NFASC: variants seen among roughly 807,000 people sequenced by gnomAD.
NFASC encodes neurofascin, also known as neurofascin homolog.
In NFASC, 43 loss-of-function variants were observed where a neutral mutation model predicts 147.5. The ratio of observed to expected loss-of-function variants is 0.29; its 90% CI spans 0.23 to 0.38. The LOEUF is 0.38. Ranked by LOEUF, NFASC falls within the 10% of genes least tolerant of loss-of-function variation. NFASC has a pLI of 1.00. For missense variants in NFASC, 1,320 were observed against 1,689.0 expected (o/e 0.78, Z 3.83); for synonymous variants, 622 against 665.5 (o/e 0.93, Z 1.01).
chr1:204,956,808 A>G (rs1280479560), intron 7 of NFASC, among the ~76,000 whole-genome samples: 2 of 152,206 alleles, frequency 1.3e-5, no homozygotes, highest in Non-Finnish European at 2.9e-5. Context: ...TTGTGGGGAT[A>G]GGAAGGAGAC....
intron 1 of NFASC, among the ~76,000 whole-genome samples, chr1:204,890,863 C>T (rs886711875): frequency 1.8e-4 from 28 of 151,666 alleles, no homozygotes; most frequent in African/African-American, 6.8e-4. Context: ...AGCCACCGCA[C>T]CTGGCCAGGG....
intron 26 of NFASC, 29 bp downstream of exon 26, chr1:205,001,315 GCGGCAGCGGCGT>G (rs980670364): frequency 2.8e-6 from 4 of 1,452,086 alleles, no homozygotes; most frequent in African/African-American, 2.8e-5. Context: ...GGTGGTGGTG[GCGGCAGCGGCGT>G]CGGCAGCAGC....
chr1:204,913,192 G>T (rs1186203823), intron 1 of NFASC, among the ~76,000 whole-genome samples: 5 of 152,056 alleles, frequency 3.3e-5, no homozygotes, highest in Admixed American at 3.3e-4. Context: ...AAATGAAATT[G>T]AAGAATTCCA....
chr1:204,921,676 T>C (rs2090516674), intron 2 of NFASC, among the ~76,000 whole-genome samples: 1 of 152,196 alleles, frequency 6.6e-6, no homozygotes, highest in Non-Finnish European at 1.5e-5. Flanking sequence ...TGAACCCCTC[T>C]AGGCCTCAGT....
chr1:204,971,444 A>G (rs1417005089), intron 11 of NFASC, among the ~76,000 whole-genome samples: 1 of 152,218 alleles, frequency 6.6e-6, no homozygotes, highest in Non-Finnish European at 1.5e-5. Flanking sequence ...GTCAGAGGAA[A>G]TGTAAACAAT....
chr1:205,001,720 C>T (rs1026751656), intron 26 of NFASC, among the ~76,000 whole-genome samples: 1 of 152,172 alleles, frequency 6.6e-6, no homozygotes, highest in Non-Finnish European at 1.5e-5. Flanking sequence ...CAGCGGCCCC[C>T]AGTCAGAGCC....
intron 1 of NFASC, among the ~76,000 whole-genome samples, chr1:204,855,959 T>G (rs894940907): frequency 6.6e-6 from 1 of 152,162 alleles, no homozygotes; most frequent in African/African-American, 2.4e-5. Flanking sequence ...TATGTTTCAT[T>G]AACTCTTACA....
chr1:204,993,017 G>A (rs1003292165), intron 24 of NFASC, among the ~76,000 whole-genome samples: 1 of 152,214 alleles, frequency 6.6e-6, no homozygotes, highest in African/African-American at 2.4e-5. Context: ...GAAATGAGAT[G>A]TGCTGATAAC....
chr1:204,950,721 G>A (rs1278434367), intron 4 of NFASC, 147 bp downstream of exon 4: 17 of 758,016 alleles, frequency 2.2e-5, no homozygotes, highest in South Asian at 3.1e-5. Context: ...CTTACTGCGG[G>A]GGAAGGAAGG....
intron 1 of NFASC, among the ~76,000 whole-genome samples, chr1:204,876,643 C>T (rs984988376): frequency 3.3e-5 from 5 of 152,148 alleles, no homozygotes; most frequent in South Asian, 2.1e-4. Flanking sequence ...CGCCATTCTA[C>T]TTTCTCTCTC....
chr1:204,834,461 C>T (rs1414073411), intron 1 of NFASC, among the ~76,000 whole-genome samples: 15 of 152,174 alleles, frequency 9.9e-5, no homozygotes, highest in Non-Finnish European at 1.3e-4. Flanking sequence ...CATCCCCTCC[C>T]GGCTCCTGCT....
At chr1:204,894,082 A>T (rs577451753) in intron 1 of NFASC, among the ~76,000 whole-genome samples, 1 of 152,178 alleles carries the variant, frequency 6.6e-6, no homozygotes, top group Non-Finnish European at 1.5e-5. Flanking sequence ...TTGTACCTGG[A>T]TGTATCACCT....
At chr1:204,925,728 A>G (rs1227413291) in intron 2 of NFASC, among the ~76,000 whole-genome samples, 1 of 152,144 alleles carries the variant, frequency 6.6e-6, no homozygotes, top group Non-Finnish European at 1.5e-5. Flanking sequence ...TGGCTTTAGG[A>G]CTATGGTCTG....
intron 1 of NFASC, among the ~76,000 whole-genome samples, chr1:204,861,614 C>T (rs532347426): frequency 3.3e-5 from 5 of 152,232 alleles, no homozygotes; most frequent in Admixed American, 6.5e-5. Flanking sequence ...CTCAGCCTCC[C>T]GAGTAGCTGG....
chr1:204,901,915 G>A (rs2084699584), intron 1 of NFASC, among the ~76,000 whole-genome samples: 1 of 152,148 alleles, frequency 6.6e-6, no homozygotes, highest in Non-Finnish European at 1.5e-5. Flanking sequence ...GATGCGTGAG[G>A]GGGCGGCACC....
intron 1 of NFASC, among the ~76,000 whole-genome samples, chr1:204,858,873 C>A (rs2076405037): frequency 6.6e-6 from 1 of 152,216 alleles, no homozygotes; most frequent in East Asian, 1.9e-4. Flanking sequence ...TGATTCCCCA[C>A]CGCCAGGCAT....
At chr1:204,856,775 G>A (rs2076195665) in intron 1 of NFASC, among the ~76,000 whole-genome samples, 1 of 152,138 alleles carries the variant, frequency 6.6e-6, no homozygotes, top group African/African-American at 2.4e-5. Context: ...ACAATATGTA[G>A]CCTTTTATAG....
rs543138110 is a variant in NFASC at position 204,946,345 on chromosome 1, C to T, written c.91+1939C>T. The T allele has an allele frequency of 3.7e-5, 19 of 511,986 alleles. No individual in the cohort carries two copies. The East Asian group carries it at 3.9e-4, about 10-fold the overall frequency. The allele number at this position is 511,986 out of a possible 1,614,324, so 31.7% of individuals were successfully genotyped here. A position where few individuals can be genotyped will look rare whatever the true frequency, so the allele number is the denominator to read the frequency against. ...CAACATAGGTGTTATCCTTAGCCTG[C>T]GGGTTAGAGACAAGGAAGCGACAGA... On this transcript the variant is annotated intron_variant, in intron 3 of 29. Transcript: ENST00000339876.
intron 23 of NFASC, chr1:204,989,070 C>A (rs2095668625): frequency 1.9e-6 from 1 of 523,040 alleles, no homozygotes; most frequent in African/African-American, 1.9e-5. Flanking sequence ...CATCTATCAT[C>A]TTTCCTTCTT....
Sources: allele counts gnomAD v4.1 joint callset (sites outside exome capture counted in the v4.1 genomes callset), GRCh38; gene constraint gnomAD v4.1.1; transcripts MANE v1.5; gene names NCBI Gene and HGNC (gene_info 2026-07-23, HGNC 2026-07-21).